Variants in ST6GALNAC3 observed in about 807,000 individuals in gnomAD.
ST6GALNAC3 encodes ST6 N-acetylgalactosaminide alpha-2,6-sialyltransferase 3.
In ST6GALNAC3, 25 loss-of-function variants were observed where a neutral mutation model predicts 32.7. That is an observed-to-expected ratio of 0.76 (90% CI 0.56 to 1.07). ST6GALNAC3 has a LOEUF of 1.07. Among genes scored for constraint, ST6GALNAC3 ranks in the 50% least tolerant of loss-of-function variants. The pLI, the probability that ST6GALNAC3 is intolerant of heterozygous loss-of-function variation, is 0.00. For synonymous variants in ST6GALNAC3, 129 were observed against 133.1 expected (o/e 0.97, Z 0.21); for missense variants, 355 against 382.4 (o/e 0.93, Z 0.60).
intron 1 of ST6GALNAC3, among the ~76,000 whole-genome samples, chr1:76,103,050 ATAAGT>A (rs1249305213): frequency 1.2e-4 from 18 of 149,956 alleles, no homozygotes; most frequent in African/African-American, 4.1e-4. Flanking sequence ...ATTTCTGTTG[ATAAGT>A]TAGATAAAAA....
At chr1:76,118,318 A>G (rs1331924882) in intron 1 of ST6GALNAC3, among the ~76,000 whole-genome samples, 2 of 152,246 alleles carry the variant, frequency 1.3e-5, no homozygotes, top group Admixed American at 1.3e-4. Context: ...AGCAGTTACC[A>G]TAATGCCTAG....
chr1:76,593,823 C>T (rs1647086728), intron 3 of ST6GALNAC3, among the ~76,000 whole-genome samples: 1 of 152,046 alleles, frequency 6.6e-6, no homozygotes, highest in Admixed American at 6.6e-5. Flanking sequence ...GGCCTGTAAA[C>T]AAATGGTTTC....
At chr1:76,139,176 A>G (rs1283128155) in intron 1 of ST6GALNAC3, among the ~76,000 whole-genome samples, 1 of 151,920 alleles carries the variant, frequency 6.6e-6, no homozygotes, top group Non-Finnish European at 1.5e-5. Context: ...CCTGGGCGAC[A>G]GAGCGAGACT....
At position 76,412,379 on chromosome 1, in the gene ST6GALNAC3, C is replaced by T; in HGVS notation, c.585C>T (p.Tyr195=). ...IYVTTEKRMS[Y]CDGVFKKETG... ...TGACCACAGAGAAGCGCATGAGTTA[C>T]TGTGATGGAGTTTTTAAGAAGGAAA... is the stretch of plus-strand genomic sequence containing the variant. The change falls in exon 3 of 5, where the codon TAC becomes TAT. Residue 195 remains tyrosine (Y), a synonymous_variant. Transcript: ENST00000328299. 2 of 1,610,042 alleles carry T rather than the reference C, an allele frequency of 1.2e-6. No individual in the cohort carries two copies. The highest frequency in any genetic ancestry group is 1.7e-6 in the Non-Finnish European group (2 of 1,177,520).
rs113645196 is a variant in ST6GALNAC3 at position 76,317,604 on chromosome 1, A to G, written c.213+3605A>G. The stretch of plus-strand genomic sequence containing the variant: ...CAGAAGACTTTCCCCTTAAATGCAT[A>G]TGGTTTCTGGAAATTACTAAACTTC... On this transcript the variant is annotated intron_variant, in intron 2 of 4. Transcript: ENST00000328299. Among the ~76,000 whole-genome samples the G allele has an allele frequency of 5.1e-4, 77 of 152,212 alleles. 3 individuals are homozygous for G. The highest frequency in any genetic ancestry group is 1.7e-3 in the African/African-American group (72 of 41,538).
intron 1 of ST6GALNAC3, among the ~76,000 whole-genome samples, chr1:76,273,257 A>G (rs994156436): frequency 1.2e-4 from 18 of 152,136 alleles, no homozygotes; most frequent in Non-Finnish European, 2.2e-4. Flanking sequence ...ACTCTAAGGA[A>G]ATTTAACCAA....
intron 3 of ST6GALNAC3, among the ~76,000 whole-genome samples, chr1:76,608,597 A>ATGTGTGTGTGTGTG (rs60960904): frequency 2.2e-5 from 3 of 135,162 alleles, no homozygotes; most frequent in South Asian, 2.7e-4. Context: ...TGAGCTGGAA[A>ATGTGTGTGTGTGTG]TGTGTGTGTG....
At chr1:76,168,716 G>A (rs1254601326) in intron 1 of ST6GALNAC3, among the ~76,000 whole-genome samples, 3 of 152,122 alleles carry the variant, frequency 2.0e-5, no homozygotes, top group Admixed American at 2.0e-4. Context: ...TTTATCATAT[G>A]TAATGCCCTT....
At chr1:76,093,549 A>G (rs780303722) in intron 1 of ST6GALNAC3, among the ~76,000 whole-genome samples, 7 of 152,250 alleles carry the variant, frequency 4.6e-5, no homozygotes, top group Non-Finnish European at 8.8e-5. Flanking sequence ...GAATCAGAAC[A>G]TGACTCCCCC....
At chr1:76,229,642 A>G (rs935975665) in intron 1 of ST6GALNAC3, among the ~76,000 whole-genome samples, 1 of 152,178 alleles carries the variant, frequency 6.6e-6, no homozygotes, top group African/African-American at 2.4e-5. Flanking sequence ...GTCCAGGAGC[A>G]CGTTTTAATT....
At chr1:76,301,815 T>A (rs1660739893) in intron 1 of ST6GALNAC3, among the ~76,000 whole-genome samples, 1 of 151,180 alleles carries the variant, frequency 6.6e-6, no homozygotes, top group Non-Finnish European at 1.5e-5. Context: ...CAACATAATC[T>A]AAACCAAGTT....
chr1:76,415,815 G>A (rs1194198140), intron 3 of ST6GALNAC3, among the ~76,000 whole-genome samples: 1 of 152,006 alleles, frequency 6.6e-6, no homozygotes, highest in African/African-American at 2.4e-5. Context: ...TGTTTCTTGG[G>A]CTTTACAGAG....
chr1:76,501,868 G>C (rs556578168), intron 3 of ST6GALNAC3, among the ~76,000 whole-genome samples: 6 of 152,346 alleles, frequency 3.9e-5, no homozygotes, highest in African/African-American at 1.4e-4. Context: ...GATATAGGCA[G>C]TCACTGGAAT....
intron 3 of ST6GALNAC3, among the ~76,000 whole-genome samples, chr1:76,617,947 AT>A (rs1205779052): frequency 6.6e-6 from 1 of 152,228 alleles, no homozygotes; most frequent in African/African-American, 2.4e-5. Flanking sequence ...GCATAAAGCT[AT>A]TGTTTGTACA....
intron 3 of ST6GALNAC3, among the ~76,000 whole-genome samples, chr1:76,502,550 A>G (rs1661234751): frequency 6.6e-6 from 1 of 152,038 alleles, no homozygotes; most frequent in Admixed American, 6.6e-5. Context: ...TCTTCACATA[A>G]TCTTCCTTCT....
chr1:76,569,645 A>G (rs1019310435), intron 3 of ST6GALNAC3, among the ~76,000 whole-genome samples: 22 of 152,080 alleles, frequency 1.4e-4, no homozygotes, highest in African/African-American at 5.3e-4. Flanking sequence ...TCCTAATAGG[A>G]CTACAATTAA....
At chr1:76,142,924 T>G in intron 1 of ST6GALNAC3, 1 of 441,520 alleles carries the variant, frequency 2.3e-6, no homozygotes, top group Admixed American at 2.5e-5. Context: ...GCACACCGTA[T>G]CTTTTATGTC....
At chr1:76,223,126 G>A (rs1655872064) in intron 1 of ST6GALNAC3, among the ~76,000 whole-genome samples, 1 of 152,062 alleles carries the variant, frequency 6.6e-6, no homozygotes, top group Admixed American at 6.6e-5. Flanking sequence ...AAATAACAAA[G>A]ACATGGGATC....
intron 1 of ST6GALNAC3, among the ~76,000 whole-genome samples, chr1:76,160,953 A>G (rs1056889642): frequency 6.6e-6 from 1 of 152,330 alleles, no homozygotes; most frequent in East Asian, 1.9e-4. Flanking sequence ...TCAACATTTT[A>G]AGAGGTTTCT....
Sources: gnomAD v4.1 joint callset for allele counts (sites outside exome capture counted in the v4.1 genomes callset) on GRCh38, gnomAD v4.1.1 for gene constraint, MANE v1.5 for transcripts, NCBI Gene and HGNC (gene_info 2026-07-23, HGNC 2026-07-21) for gene names.